Variants in KCNH7 observed in about 807,000 individuals in gnomAD.
KCNH7 encodes the protein potassium voltage-gated channel subfamily H member 7.
Under a neutral mutation model 120.8 loss-of-function variants are expected in KCNH7, and 49 were observed. The ratio of observed to expected loss-of-function variants is 0.41; its 90% CI spans 0.32 to 0.51. The LOEUF is 0.51. KCNH7 is among the 20% of genes least tolerant of loss of function. The probability of loss-of-function intolerance (pLI) is 0.38; values close to 1 mark genes in which losing one functional copy is unlikely to be tolerated. For missense variants in KCNH7, 1,097 were observed against 1,446.6 expected (o/e 0.76, Z 3.92); for synonymous variants, 547 against 516.1 (o/e 1.06, Z -0.81).
chr2:162,486,483 T>C (rs79086446), intron 6 of KCNH7, among the ~76,000 whole-genome samples: 1,680 of 152,296 alleles, frequency 0.011, 25 homozygotes, highest in African/African-American at 0.039. Context: ...AAAAGAAATA[T>C]ATGTGGCATT....
intron 6 of KCNH7, among the ~76,000 whole-genome samples, chr2:162,477,156 G>A (rs950756492): frequency 1.3e-5 from 2 of 152,158 alleles, no homozygotes; most frequent in Non-Finnish European, 2.9e-5. Context: ...AGTAAGTAAC[G>A]ATTAAAGGCA....
intron 2 of KCNH7, among the ~76,000 whole-genome samples, chr2:162,702,781 T>C (rs1314206865): frequency 6.6e-6 from 1 of 152,136 alleles, no homozygotes; most frequent in Non-Finnish European, 1.5e-5. Context: ...ATCAAGTGAG[T>C]TTCTATTTGT....
chr2:162,634,417 A>C (rs540383676), intron 2 of KCNH7, among the ~76,000 whole-genome samples: 38 of 152,038 alleles, frequency 2.5e-4, no homozygotes, highest in Non-Finnish European at 4.6e-4. Flanking sequence ...GGGCAGAAAA[A>C]ATATTGGTAC....
At chr2:162,522,164 T>C (rs1691553905) in intron 3 of KCNH7, among the ~76,000 whole-genome samples, 1 of 151,952 alleles carries the variant, frequency 6.6e-6, no homozygotes, top group Non-Finnish European at 1.5e-5. Flanking sequence ...TGAAAATCAG[T>C]GAACTGCATC....
At chr2:162,525,054 G>C (rs1407148695) in intron 3 of KCNH7, among the ~76,000 whole-genome samples, 1 of 151,954 alleles carries the variant, frequency 6.6e-6, no homozygotes, top group East Asian at 2.0e-4. Flanking sequence ...AAGATCACCA[G>C]GGAGTCCACT....
chr2:162,643,750 G>T (rs1190965738), intron 2 of KCNH7, among the ~76,000 whole-genome samples: 1 of 138,568 alleles, frequency 7.2e-6, no homozygotes, highest in Non-Finnish European at 1.5e-5. Flanking sequence ...AGGTTGCAGT[G>T]AGCCGAGATC....
At chr2:162,540,644 A>G (rs1476846440) in intron 2 of KCNH7, among the ~76,000 whole-genome samples, 1 of 152,068 alleles carries the variant, frequency 6.6e-6, no homozygotes, top group Non-Finnish European at 1.5e-5. Flanking sequence ...GGGACAGGGC[A>G]AGGTGGGGAG....
chr2:162,624,633 C>T (rs145668492), intron 2 of KCNH7, among the ~76,000 whole-genome samples: 289 of 152,156 alleles, frequency 1.9e-3, no homozygotes, highest in Non-Finnish European at 3.3e-3. Context: ...GTAATAGACA[C>T]GTCCTTACTC....
intron 6 of KCNH7, among the ~76,000 whole-genome samples, chr2:162,490,293 C>T (rs1302498571): frequency 6.6e-6 from 1 of 152,234 alleles, no homozygotes. Context: ...GGGAACCCAG[C>T]CCCATCAGCT....
intron 2 of KCNH7, among the ~76,000 whole-genome samples, chr2:162,815,610 A>G (rs1684889753): frequency 6.6e-6 from 1 of 152,266 alleles, no homozygotes; most frequent in South Asian, 2.1e-4. Flanking sequence ...GGCAAGGGGC[A>G]GACAAACACT....
Position 162,529,369 on chromosome 2 carries a change from A to T in KCNH7, c.463+7556T>A, listed in dbSNP as rs184638113. On this transcript the variant is annotated intron_variant, in intron 3 of 15. Coordinates refer to ENST00000332142, the MANE Select transcript of KCNH7 (RefSeq NM_033272.4). The stretch of plus-strand genomic sequence containing the variant: ...GAAAGACTCAAGGGAATGCGGTGAC[A>T]TGGAATGTAAAAGAAGGGAATCCAA... Among the ~76,000 whole-genome samples the T allele has an allele frequency of 1.2e-4, 19 of 152,068 alleles. No individual in the cohort carries two copies. In the East Asian group the frequency reaches 3.5e-3, roughly 28 times the overall value.
chr2:162,728,910 T>C (rs965346928), intron 2 of KCNH7, among the ~76,000 whole-genome samples: 3 of 152,236 alleles, frequency 2.0e-5, no homozygotes, highest in Non-Finnish European at 2.9e-5. Flanking sequence ...CAAGATTTCA[T>C]GTAAAATTTA....
chr2:162,431,899 G>A (rs1688082444), intron 8 of KCNH7, among the ~76,000 whole-genome samples: 1 of 151,974 alleles, frequency 6.6e-6, no homozygotes, highest in African/African-American at 2.4e-5. Flanking sequence ...GAGATCAGGT[G>A]TAGAGCAAGT....
chr2:162,698,488 C>G (rs1039993485), intron 2 of KCNH7, among the ~76,000 whole-genome samples: 2 of 149,462 alleles, frequency 1.3e-5, no homozygotes, highest in African/African-American at 4.9e-5. Flanking sequence ...ATTAATATGC[C>G]ATTTAAAAAA....
intron 2 of KCNH7, among the ~76,000 whole-genome samples, chr2:162,602,836 C>T (rs1177339779): frequency 6.7e-6 from 1 of 150,128 alleles, no homozygotes; most frequent in Non-Finnish European, 1.5e-5. Context: ...CTAGATATTA[C>T]AAAATGTCAT....
intron 2 of KCNH7, among the ~76,000 whole-genome samples, chr2:162,607,932 A>G (rs974626928): frequency 2.0e-5 from 3 of 152,228 alleles, no homozygotes; most frequent in Non-Finnish European, 2.9e-5. Flanking sequence ...TTAAAGAATT[A>G]CAAAAATATG....
chr2:162,633,208 A>C (rs1005352074), intron 2 of KCNH7, among the ~76,000 whole-genome samples: 2 of 151,752 alleles, frequency 1.3e-5, no homozygotes, highest in Non-Finnish European at 2.9e-5. Context: ...ACATTTTCAC[A>C]TTTGTCTTGT....
intron 2 of KCNH7, among the ~76,000 whole-genome samples, chr2:162,539,145 G>C (rs1044654185): frequency 6.6e-6 from 1 of 152,052 alleles, no homozygotes; most frequent in African/African-American, 2.4e-5. Context: ...TTAGTAAACA[G>C]AAAATAAGCA....
At chr2:162,603,550 A>G (rs1302572631) in intron 2 of KCNH7, among the ~76,000 whole-genome samples, 7 of 152,112 alleles carry the variant, frequency 4.6e-5, no homozygotes, top group African/African-American at 1.4e-4. Flanking sequence ...GTTTCTAAAA[A>G]ACAAGTAAAA....
Sources: gnomAD v4.1 joint callset for allele counts (sites outside exome capture counted in the v4.1 genomes callset) on GRCh38, gnomAD v4.1.1 for gene constraint, MANE v1.5 for transcripts, NCBI Gene and HGNC (gene_info 2026-07-23, HGNC 2026-07-21) for gene names.